Variants in THSD7A observed in about 807,000 individuals in gnomAD.
The protein encoded by THSD7A is thrombospondin type-1 domain-containing protein 7A.
In THSD7A, 96 loss-of-function variants were observed where a neutral mutation model predicts 231.3. The observed-to-expected ratio is 0.41, with a 90% CI of 0.35 to 0.49. The LOEUF (loss-of-function observed/expected upper bound fraction) is 0.49. THSD7A is among the 20% of genes least tolerant of loss of function. THSD7A has a pLI of 0.05. For synonymous variants in THSD7A, 940 were observed against 743.3 expected, an observed-to-expected ratio of 1.26 and a Z score of -4.30; for missense variants, 2,290 against 2,070.2, an observed-to-expected ratio of 1.11 and a Z score of -2.06.
chr7:11,444,004 G>A lies in THSD7A; in HGVS notation c.3064+2057C>T, dbSNP rs2128293819. Among the ~76,000 whole-genome samples, 2 of 152,096 alleles carry A rather than the reference G, an allele frequency of 1.3e-5. No homozygotes were observed. The highest frequency in any genetic ancestry group is 3.4e-3 in the Middle Eastern group (1 of 294). ...AGTGGGCAAAGGATATGAACAGGCA[G>A]TTCTCAAAAGACGACATTTATGTGG... On this transcript the variant is annotated intron_variant, in intron 13 of 27. Coordinates refer to ENST00000423059, the MANE Select transcript of THSD7A (RefSeq NM_015204.3). The surrounding 1 kb of genome is among the most constrained non-coding windows in gnomAD (Gnocchi z 4.2).
chr7:11,433,651 A>T (rs1372705103), intron 13 of THSD7A, among the ~76,000 whole-genome samples: 4 of 152,042 alleles, frequency 2.6e-5, no homozygotes, highest in Non-Finnish European at 5.9e-5. Context: ...ATGTCTCTCA[A>T]AAGTAAACCT....
At chr7:11,459,096 C>T (rs1785408237) in intron 11 of THSD7A, among the ~76,000 whole-genome samples, 1 of 152,090 alleles carries the variant, frequency 6.6e-6, no homozygotes, top group Admixed American at 6.6e-5. Flanking sequence ...TGGTTTTCAT[C>T]TGCTTTACCT....
In THSD7A at chr7:11,447,393, C is replaced by A; in HGVS notation, c.2637G>T (p.Gln879His). Residue 879 changes from glutamine (Q) to histidine (H), a missense_variant, in exon 12 of 28, where the codon CAG (glutamine) becomes CAT (histidine). Gln to His is a conservative substitution (Grantham distance 24). Coordinates refer to ENST00000423059, the MANE Select transcript of THSD7A (RefSeq NM_015204.3). ...AITCRKQDGG[Q>H]AGIHECLQYA... Reference sequence around the variant, plus strand: ...ACTGTAGGCACTCATGGATTCCAGCCTGTCCTCCATCTTGCTTGCGACAAG... The same window carrying A: ...ACTGTAGGCACTCATGGATTCCAGCATGTCCTCCATCTTGCTTGCGACAAG... The A allele has an allele frequency of 6.3e-7, 1 of 1,591,500 alleles. No individual in the cohort carries two copies. Among genetic ancestry groups the A allele is most frequent in the Non-Finnish European group, 8.5e-7 (1 of 1,170,468 alleles).
At chr7:11,610,348 AG>A (rs1370007459) in intron 2 of THSD7A, among the ~76,000 whole-genome samples, 1 of 152,154 alleles carries the variant, frequency 6.6e-6, no homozygotes, top group Admixed American at 6.6e-5. Flanking sequence ...ATACTGGGCA[AG>A]AAAGATACAA....
intron 1 of THSD7A, among the ~76,000 whole-genome samples, chr7:11,670,303 G>T (rs549910676): frequency 6.6e-6 from 1 of 152,188 alleles, no homozygotes; most frequent in African/African-American, 2.4e-5. Flanking sequence ...AGTCAATGGA[G>T]ATCCATTACC....
chr7:11,796,463 C>A (rs917534179), intron 1 of THSD7A, among the ~76,000 whole-genome samples: 1 of 152,020 alleles, frequency 6.6e-6, no homozygotes, highest in East Asian at 1.9e-4. Flanking sequence ...ATCACACTTT[C>A]ATATTAATTT....
intron 11 of THSD7A, among the ~76,000 whole-genome samples, chr7:11,450,468 A>G (rs1785108946): frequency 6.6e-6 from 1 of 152,066 alleles, no homozygotes; most frequent in Non-Finnish European, 1.5e-5. Flanking sequence ...TCTGTACAAT[A>G]TACTGAAAAT....
chr7:11,663,445 G>GAAAACA (rs1783008450), intron 1 of THSD7A, among the ~76,000 whole-genome samples: 1 of 151,234 alleles, frequency 6.6e-6, no homozygotes, highest in Admixed American at 6.6e-5. Flanking sequence ...GAAAAAAGCA[G>GAAAACA]AAAACAAAAA....
At chr7:11,712,108 C>T (rs1780987197) in intron 1 of THSD7A, among the ~76,000 whole-genome samples, 1 of 150,992 alleles carries the variant, frequency 6.6e-6, no homozygotes, top group Non-Finnish European at 1.5e-5. Context: ...AAAAACTAGA[C>T]TTCTGTCTAT....
chr7:11,769,149 A>ATTTTTTTTTTTTTTTTTTTT (rs1245740094), intron 1 of THSD7A, among the ~76,000 whole-genome samples: 1 of 36,300 alleles, frequency 2.8e-5, no homozygotes, highest in Non-Finnish European at 6.1e-5. Flanking sequence ...ATATATATAT[A>ATTTTTTTTTTTTTTTTTTTT]TATATTTTTT....
chr7:11,389,886 G>C (rs2115325828), intron 23 of THSD7A, among the ~76,000 whole-genome samples: 1 of 152,222 alleles, frequency 6.6e-6, no homozygotes, highest in Non-Finnish European at 1.5e-5. Context: ...TAGTTTGGCT[G>C]GATATGAAAT....
In THSD7A at chr7:11,460,715, T is replaced by C. The variant is rs780471277; in HGVS notation, c.2552A>G (p.Gln851Arg). The change falls in exon 11 of 28, where the codon CAA becomes CGA. Residue 851 changes from glutamine (Q) to arginine (R), a missense_variant. Transcript: ENST00000423059. ...RRCQLVPWSV[Q>R]QDSPGAQEGC... ...TTCCTGTGCTCCAGGGCTGTCTTGT[T>C]GCACGCTCCAAGGGACTAATTGGCA... 6.2e-7 allele frequency: 1 copy of C among 1,612,678 alleles called. No homozygotes were observed. The highest frequency in any genetic ancestry group is 8.5e-7 in the Non-Finnish European group (1 of 1,179,402).
chr7:11,677,584 C>CAAAAAAAAAAAAAAAAAAAAAAA (rs553030554), intron 1 of THSD7A, among the ~76,000 whole-genome samples: 1 of 22,274 alleles, frequency 4.5e-5, no homozygotes, highest in African/African-American at 2.6e-4. Flanking sequence ...AAATGGAAAG[C>CAAAAAAAAAAAAAAAAAAAAAAA]AAAAAAAAAA....
chr7:11,627,988 C>G (rs1781526242), intron 2 of THSD7A, among the ~76,000 whole-genome samples: 1 of 151,954 alleles, frequency 6.6e-6, no homozygotes, highest in African/African-American at 2.4e-5. Context: ...ATTTGCCTTA[C>G]AATCCTAGCT....
intron 1 of THSD7A, among the ~76,000 whole-genome samples, chr7:11,752,404 C>T (rs1782532496): frequency 2.6e-5 from 4 of 152,054 alleles, no homozygotes; most frequent in African/African-American, 9.7e-5. Flanking sequence ...TTTTCTACTT[C>T]TTCATTCCAA....
chr7:11,510,010 C>A (rs550150793), intron 6 of THSD7A, among the ~76,000 whole-genome samples: 3 of 151,820 alleles, frequency 2.0e-5, no homozygotes, highest in Admixed American at 6.6e-5. Flanking sequence ...AAATATCACA[C>A]CATACCCATA....
rs17636805 is a variant in THSD7A, at chr7:11,590,076, C to T, written c.1453+384G>A. Among the ~76,000 whole-genome samples the T allele has an allele frequency of 0.18, 26,838 of 152,030 alleles. 2,693 individuals carry two copies. The highest frequency in any genetic ancestry group is 0.24 in the Non-Finnish European group (16,579 of 67,926). On this transcript the variant is annotated intron_variant, in intron 4 of 27. Coordinates refer to ENST00000423059, the MANE Select transcript of THSD7A (RefSeq NM_015204.3). The surrounding 1 kb of genome is among the most constrained non-coding windows in gnomAD (Gnocchi z 4.4). ...ACCACATTTTATCCAAATAAGATTT[C>T]TTTTGACAAGCAGGTTTTACTTCTT...
At chr7:11,602,516 G>A (rs977708918) in intron 2 of THSD7A, among the ~76,000 whole-genome samples, 2 of 151,998 alleles carry the variant, frequency 1.3e-5, no homozygotes, top group South Asian at 2.1e-4. Flanking sequence ...TTCAAATTAC[G>A]TATTAGAATT....
intron 2 of THSD7A, among the ~76,000 whole-genome samples, chr7:11,603,602 A>C (rs1462971260): frequency 1.3e-5 from 2 of 151,904 alleles, no homozygotes; most frequent in African/African-American, 2.4e-5. Flanking sequence ...GGCATTATTC[A>C]CGATAGCAAA....
Sources: gnomAD v4.1 joint callset for allele counts (sites outside exome capture counted in the v4.1 genomes callset) on GRCh38, gnomAD v4.1.1 for gene constraint, Gnocchi (gnomAD v3.1) non-coding constraint, MANE v1.5 for transcripts, NCBI Gene and HGNC (gene_info 2026-07-23, HGNC 2026-07-21) for gene names.